The following DPP10 variants were observed in gnomAD, a reference collection of about 807,000 sequenced individuals.
DPP10 encodes inactive dipeptidyl peptidase 10.
In DPP10, 33 loss-of-function variants were observed where a neutral mutation model predicts 120.9. The observed-to-expected ratio is 0.27, with a 90% CI of 0.21 to 0.37. DPP10 has a LOEUF of 0.37. Among genes scored for constraint, DPP10 ranks in the 10% least tolerant of loss-of-function variants. The probability of loss-of-function intolerance (pLI) is 1.00; values close to 1 mark genes in which losing one functional copy is unlikely to be tolerated. For missense variants in DPP10, 816 were observed against 942.8 expected (o/e 0.87, Z 1.76); for synonymous variants, 337 against 326.1 (o/e 1.03, Z -0.36).
At chr2:114,914,851 G>A (rs907480775) in intron 1 of DPP10, among the ~76,000 whole-genome samples, 25 of 152,218 alleles carry the variant, frequency 1.6e-4, no homozygotes, top group African/African-American at 5.8e-4. Context: ...AAGAAATGGG[G>A]CCGGGCGCGG....
At chr2:114,623,526 A>G (rs917775122) in intron 1 of DPP10, among the ~76,000 whole-genome samples, 41 of 152,132 alleles carry the variant, frequency 2.7e-4, no homozygotes, top group African/African-American at 9.2e-4. Flanking sequence ...CAGACTTTCA[A>G]TTGAGATTTT....
chr2:115,583,404 G>A (rs1180285525), intron 5 of DPP10, among the ~76,000 whole-genome samples: 1 of 152,200 alleles, frequency 6.6e-6, no homozygotes, highest in Non-Finnish European at 1.5e-5. Flanking sequence ...ATAGTGTTCA[G>A]TTGCAAACGT....
intron 4 of DPP10, among the ~76,000 whole-genome samples, chr2:115,502,005 G>A (rs1161709919): frequency 6.6e-6 from 1 of 151,936 alleles, no homozygotes; most frequent in Admixed American, 6.6e-5. Flanking sequence ...AGTCATTTGA[G>A]AAAATAAATA....
At chr2:114,939,108 C>G (rs1401052243) in intron 1 of DPP10, among the ~76,000 whole-genome samples, 1 of 151,674 alleles carries the variant, frequency 6.6e-6, no homozygotes. Flanking sequence ...ATACTATATT[C>G]TTAGAAAAAA....
At chr2:114,548,990 C>T (rs576826204) in intron 1 of DPP10, among the ~76,000 whole-genome samples, 5 of 152,270 alleles carry the variant, frequency 3.3e-5, no homozygotes, top group Admixed American at 2.0e-4. Flanking sequence ...CGGAATCACA[C>T]GAGCACATAG....
Position 115,015,705 on chromosome 2 carries a change from A to G in DPP10, c.61-293534A>G, listed in dbSNP as rs574114028. Among the ~76,000 whole-genome samples, 4 of 152,282 alleles carry G rather than the reference A, an allele frequency of 2.6e-5. No individual in the cohort carries two copies. The South Asian group carries it at 6.2e-4, about 24-fold the overall frequency. On this transcript the variant is annotated intron_variant, in intron 1 of 25. Transcript: ENST00000410059. The stretch of plus-strand genomic sequence containing the variant: ...TCACAAACAATCCTATACACCAATA[A>G]TAGACATACAGAGAGCCATATCACG...
chr2:115,087,646 C>CA (rs545430772), intron 1 of DPP10, among the ~76,000 whole-genome samples: 2 of 150,362 alleles, frequency 1.3e-5, no homozygotes, highest in Non-Finnish European at 3.0e-5. Flanking sequence ...CTCTGCCTCC[C>CA]GGGTTCAAGC....
At chr2:114,718,363 T>A (rs1369536345) in intron 1 of DPP10, among the ~76,000 whole-genome samples, 1 of 130,506 alleles carries the variant, frequency 7.7e-6, no homozygotes, top group Non-Finnish European at 1.5e-5. Flanking sequence ...ATCACCCCAC[T>A]GCACTCCAGC....
intron 1 of DPP10, among the ~76,000 whole-genome samples, chr2:114,698,663 A>G (rs1311820196): frequency 1.3e-5 from 2 of 152,130 alleles, no homozygotes; most frequent in Non-Finnish European, 2.9e-5. Flanking sequence ...CAATCAGTCA[A>G]GGGATCTTGG....
intron 19 of DPP10, among the ~76,000 whole-genome samples, chr2:115,793,009 A>G (rs1195981563): frequency 2.0e-5 from 3 of 152,238 alleles, no homozygotes; most frequent in Non-Finnish European, 4.4e-5. Context: ...ACCGAATAAG[A>G]GTTAACAGAA....
chr2:115,498,187 C>G (rs550112062), intron 3 of DPP10, among the ~76,000 whole-genome samples: 8 of 152,092 alleles, frequency 5.3e-5, no homozygotes, highest in Non-Finnish European at 1.2e-4. Context: ...AGGTCAAGAA[C>G]TACTGGCCCT....
At chr2:114,731,393 G>T (rs1676899968) in intron 1 of DPP10, among the ~76,000 whole-genome samples, 1 of 151,980 alleles carries the variant, frequency 6.6e-6, no homozygotes, top group Non-Finnish European at 1.5e-5. Flanking sequence ...CTTTTAATTT[G>T]GTTTCAAGGT....
intron 1 of DPP10, among the ~76,000 whole-genome samples, chr2:114,906,314 G>C (rs1275171691): frequency 6.6e-6 from 1 of 151,842 alleles, no homozygotes; most frequent in East Asian, 1.9e-4. Context: ...AACCTGGGAG[G>C]TGGAGGTTGC....
At chr2:115,401,808 G>A (rs564417578) in intron 3 of DPP10, among the ~76,000 whole-genome samples, 19 of 151,652 alleles carry the variant, frequency 1.3e-4, no homozygotes, top group South Asian at 4.2e-4. Context: ...TGTGATATCC[G>A]AAGAAACATG....
At chr2:114,625,570 G>C (rs1181593218) in intron 1 of DPP10, among the ~76,000 whole-genome samples, 1 of 151,900 alleles carries the variant, frequency 6.6e-6, no homozygotes, top group Non-Finnish European at 1.5e-5. Context: ...GATACAACAG[G>C]TAAATTATTG....
chr2:115,834,120 TTCTGAG>T (rs1367128206), intron 21 of DPP10, among the ~76,000 whole-genome samples: 1 of 152,196 alleles, frequency 6.6e-6, no homozygotes, highest in Non-Finnish European at 1.5e-5. Context: ...TTGCTCAAGC[TTCTGAG>T]TACTATCTAA....
At position 114,576,114 on chromosome 2, in the gene DPP10, T is replaced by C. The variant is rs571089243; in HGVS notation, c.60+133276T>C. On this transcript the variant is annotated intron_variant, in intron 1 of 25. Coordinates refer to ENST00000410059, the MANE Select transcript of DPP10 (RefSeq NM_020868.6). ...ATGTAGAGTTATAAAAAGGAAGAGA[T>C]GGCAGTGCCAAGATGGTGGTGGTGG... is the stretch of plus-strand genomic sequence containing the variant. Among the ~76,000 whole-genome samples the C allele has an allele frequency of 6.3e-4, 96 of 152,320 alleles. 1 individual carries two copies. The highest frequency in any genetic ancestry group is 3.4e-3 in the Middle Eastern group (1 of 294).
chr2:114,664,875 A>G (rs1697789934), intron 1 of DPP10, among the ~76,000 whole-genome samples: 2 of 151,330 alleles, frequency 1.3e-5, no homozygotes, highest in Non-Finnish European at 2.9e-5. Context: ...AAAAGATGGC[A>G]TAGAGCATCC....
chr2:115,601,735 AC>A (rs2083332169), intron 5 of DPP10, among the ~76,000 whole-genome samples: 1 of 152,014 alleles, frequency 6.6e-6, no homozygotes, highest in African/African-American at 2.4e-5. Flanking sequence ...GTGCAGTGGC[AC>A]GACCTCAGCT....
Sources: gnomAD v4.1 joint callset for allele counts (sites outside exome capture counted in the v4.1 genomes callset) on GRCh38, gnomAD v4.1.1 for gene constraint, MANE v1.5 for transcripts, NCBI Gene and HGNC (gene_info 2026-07-23, HGNC 2026-07-21) for gene names.